LDLRAD4: variants seen among roughly 807,000 people sequenced by gnomAD.
LDLRAD4 encodes low density lipoprotein receptor class A domain containing 4.
Under a neutral mutation model 17.0 loss-of-function variants are expected in LDLRAD4, and 5 were observed. The ratio of observed to expected loss-of-function variants is 0.29; its 90% confidence interval spans 0.15 to 0.62. LDLRAD4 has a LOEUF of 0.62. LDLRAD4 is among the 20% of genes least tolerant of loss of function. The probability of loss-of-function intolerance (pLI) is 0.84; values close to 1 mark genes in which losing one functional copy is unlikely to be tolerated. For synonymous variants in LDLRAD4, 168 were observed against 171.8 expected, an observed-to-expected ratio of 0.98 and a Z score of 0.17; for missense variants, 340 against 424.7, an observed-to-expected ratio of 0.80 and a Z score of 1.75.
At chr18:13,285,351 G>A (rs192206412) in intron 1 of LDLRAD4, among the ~76,000 whole-genome samples, 1 of 152,302 alleles carries the variant, frequency 6.6e-6, no homozygotes, top group African/African-American at 2.4e-5. Flanking sequence ...AGTCACTTCA[G>A]TGATGGTCAG....
chr18:13,413,158 G>A (rs2145727282), intron 2 of LDLRAD4, among the ~76,000 whole-genome samples: 1 of 152,278 alleles, frequency 6.6e-6, no homozygotes, highest in South Asian at 2.1e-4. Flanking sequence ...TCGCATGACT[G>A]TGCTTGGCTG....
intron 4 of LDLRAD4, among the ~76,000 whole-genome samples, chr18:13,629,188 C>A (rs1439224500): frequency 6.6e-6 from 1 of 152,140 alleles, no homozygotes; most frequent in African/African-American, 2.4e-5. Context: ...TTAAAAGCTT[C>A]TCCACAATGG....
intron 1 of LDLRAD4, among the ~76,000 whole-genome samples, chr18:13,340,321 T>G (rs2082308519): frequency 1.3e-5 from 2 of 152,194 alleles, no homozygotes; most frequent in Non-Finnish European, 2.9e-5. Context: ...TAATTCTATA[T>G]TTAACATTTT....
rs1215681068 is a variant in LDLRAD4, at chr18:13,621,331, A to C, written c.336+60A>C. ...GCAGCTGCAAGAGGCTTAGGAGCCC[A>C]TCAGGGTTCAGAGGCCGGGAGTGCT... On this transcript the variant is annotated intron_variant, in intron 4 of 5. Coordinates refer to ENST00000359446, the Ensembl canonical transcript of LDLRAD4. The surrounding 1 kb of genome is among the most constrained non-coding windows in gnomAD (Gnocchi z 5.5). 1.4e-6 allele frequency: 2 copies of C among 1,386,316 alleles called. No homozygotes were observed. Among genetic ancestry groups the C allele is most frequent in the Non-Finnish European group, 1.0e-6 (1 of 985,032 alleles). 85.9% of individuals were successfully genotyped at this position (1,386,316 alleles called of 1,614,324 possible).
At chr18:13,402,758 C>T (rs1229472322) in intron 2 of LDLRAD4, among the ~76,000 whole-genome samples, 3 of 152,154 alleles carry the variant, frequency 2.0e-5, no homozygotes, top group Non-Finnish European at 4.4e-5. Context: ...ATTGCGAAAA[C>T]CAAAGAAAGT....
At chr18:13,294,273 C>T (rs1347859396) in intron 1 of LDLRAD4, among the ~76,000 whole-genome samples, 1 of 152,198 alleles carries the variant, frequency 6.6e-6, no homozygotes, top group Non-Finnish European at 1.5e-5. Flanking sequence ...TGAAGGTGGT[C>T]CAGGTGGCTG....
At chr18:13,400,497 C>T (rs953669308) in intron 2 of LDLRAD4, among the ~76,000 whole-genome samples, 3 of 152,138 alleles carry the variant, frequency 2.0e-5, no homozygotes, top group South Asian at 2.1e-4. Flanking sequence ...GGGCTCCAGA[C>T]GGAGCCTTCT....
At chr18:13,242,999 C>T (rs1056947978) in intron 1 of LDLRAD4, among the ~76,000 whole-genome samples, 3 of 152,354 alleles carry the variant, frequency 2.0e-5, no homozygotes, top group South Asian at 2.1e-4. Flanking sequence ...GCGCCTGGCG[C>T]CTGCTCTGCC....
intron 2 of LDLRAD4, among the ~76,000 whole-genome samples, chr18:13,404,994 G>GT (rs2087595508): frequency 6.6e-6 from 1 of 152,082 alleles, no homozygotes; most frequent in Non-Finnish European, 1.5e-5. Flanking sequence ...GGTCGTAAAA[G>GT]TAGGTGTGAC....
chr18:13,616,626 A>G (rs1476038578), intron 3 of LDLRAD4, among the ~76,000 whole-genome samples: 4 of 152,272 alleles, frequency 2.6e-5, no homozygotes, highest in African/African-American at 9.6e-5. Flanking sequence ...GGCCACCGTC[A>G]CCTGCAGCCA....
At chr18:13,247,937 C>T (rs529503241) in intron 1 of LDLRAD4, among the ~76,000 whole-genome samples, 4 of 147,378 alleles carry the variant, frequency 2.7e-5, no homozygotes, top group African/African-American at 7.5e-5. Context: ...ACCTGTCCAA[C>T]TGCACACAGC....
intron 1 of LDLRAD4, among the ~76,000 whole-genome samples, chr18:13,292,647 GA>G (rs2046030515): frequency 6.6e-6 from 1 of 152,214 alleles, no homozygotes. Context: ...GGAGCCCTAG[GA>G]GGGACTGAAT....
At position 13,285,975 on chromosome 18, in the gene LDLRAD4, C is replaced by T. The variant is rs963737461; in HGVS notation, c.-383+7787C>T. 4.6e-5 allele frequency among the ~76,000 whole-genome samples: 7 copies of T among 152,270 alleles called. No individual in the cohort carries two copies. The East Asian group carries it at 5.8e-4, about 13-fold the overall frequency. ...ACAGTATATTTTAACCATTTTTAAG[C>T]GTACGGTTCTGTGGCATTAAGTACA... On this transcript the variant is annotated intron_variant, in intron 1 of 5. Transcript: ENST00000359446.
chr18:13,341,981 C>T (rs1316516781), intron 1 of LDLRAD4, among the ~76,000 whole-genome samples: 2 of 152,032 alleles, frequency 1.3e-5, no homozygotes, highest in South Asian at 4.1e-4. Flanking sequence ...TTTTCTGCAT[C>T]AATTGAGATG....
chr18:13,269,232 A>G (rs2044385495), intron 1 of LDLRAD4, among the ~76,000 whole-genome samples: 1 of 152,228 alleles, frequency 6.6e-6, no homozygotes, highest in South Asian at 2.1e-4. Context: ...CAGCATGTCC[A>G]AACTTTAACT....
At chr18:13,326,310 C>T (rs1305599106) in intron 1 of LDLRAD4, among the ~76,000 whole-genome samples, 2 of 152,086 alleles carry the variant, frequency 1.3e-5, no homozygotes, top group Non-Finnish European at 2.9e-5. Flanking sequence ...TGATTACATT[C>T]TTGTGAGACT....
chr18:13,349,081 C>T (rs2082886262), intron 1 of LDLRAD4, among the ~76,000 whole-genome samples: 1 of 152,236 alleles, frequency 6.6e-6, no homozygotes, highest in Non-Finnish European at 1.5e-5. Flanking sequence ...CCCCACTGTC[C>T]TGCACCCACT....
chr18:13,504,020 C>T (rs2093653330), intron 3 of LDLRAD4, among the ~76,000 whole-genome samples: 1 of 152,150 alleles, frequency 6.6e-6, no homozygotes, highest in African/African-American at 2.4e-5. Flanking sequence ...CCTCACAGCT[C>T]TATAAAGTTA....
In LDLRAD4 at chr18:13,373,179, C is replaced by G. The variant is rs200965551; in HGVS notation, c.-382-14162C>G. ...AATGTGTGTGTGTGTGTGTGTGTGT[C>G]TTTTGAGCAAAGGCAGAAATCCCTT... On this transcript the variant is annotated intron_variant, in intron 1 of 5. Coordinates refer to ENST00000359446, the Ensembl canonical transcript of LDLRAD4. Among the ~76,000 whole-genome samples the G allele has an allele frequency of 5.0e-5, 6 of 121,060 alleles. No homozygotes were observed. The Admixed American group carries it at 5.1e-4, about 10-fold the overall frequency. 79.4% of individuals were successfully genotyped at this position (121,060 alleles called of 152,430 possible). A position where few individuals can be genotyped will look rare whatever the true frequency, so the allele number is the denominator to read the frequency against.
Sources: gnomAD v4.1 joint callset for allele counts (sites outside exome capture counted in the v4.1 genomes callset) on GRCh38, gnomAD v4.1.1 for gene constraint, Gnocchi (gnomAD v3.1) non-coding constraint, MANE v1.5 for transcripts, NCBI Gene and HGNC (gene_info 2026-07-23, HGNC 2026-07-21) for gene names.